The following ARL14EPL variants were observed in gnomAD, a reference collection of about 807,000 sequenced individuals.
ARL14EPL encodes ARF like GTPase 14 effector protein like.
Under a neutral mutation model 15.9 loss-of-function variants are expected in ARL14EPL, and 17 were observed. The observed-to-expected ratio is 1.07, with a 90% CI of 0.73 to 1.60. The LOEUF is 1.60. ARL14EPL is among the 40% of genes most tolerant of loss of function. ARL14EPL has a pLI of 0.00. For missense variants in ARL14EPL, 214 were observed against 185.9 expected (o/e 1.15, Z -0.88); for synonymous variants, 78 against 63.8 (o/e 1.22, Z -1.06).
Position 116,058,961 on chromosome 5 carries a change from T to A in ARL14EPL, c.*14T>A, listed in dbSNP as rs569991344. 6.5e-7 allele frequency: 1 copy of A among 1,529,494 alleles called. No individual in the cohort carries two copies. The highest frequency in any genetic ancestry group is 1.4e-5 in the African/African-American group (1 of 72,902). 94.7% of individuals were successfully genotyped at this position (1,529,494 alleles called of 1,614,324 possible). ...GTTCCTGACTAGGTGCTCTTGTATA[T>A]GGACTGATTTGTTTCTTCTTCTTAC... On this transcript the variant is annotated 3_prime_UTR_variant, in exon 4 of 4. Transcript: ENST00000686077.
intron 1 of ARL14EPL, among the ~76,000 whole-genome samples, chr5:116,042,461 C>G (rs952740239): frequency 6.6e-6 from 1 of 152,140 alleles, no homozygotes; most frequent in African/African-American, 2.4e-5. Flanking sequence ...CACTTCTGGA[C>G]CCCCATGATG....
chr5:116,042,579 C>T (rs914993252), intron 1 of ARL14EPL, among the ~76,000 whole-genome samples: 1 of 152,146 alleles, frequency 6.6e-6, no homozygotes, highest in African/African-American at 2.4e-5. Flanking sequence ...GTAGTAGTAC[C>T]CAGACAATAA....
intron 1 of ARL14EPL, 109 bp downstream of exon 1, chr5:116,032,614 T>C (rs149336873): frequency 1.5e-3 from 227 of 152,338 alleles, no homozygotes; most frequent in African/African-American, 5.2e-3. Flanking sequence ...GTTACTGTTG[T>C]TAATTTCTTA....
chr5:116,052,299 A>G, intron 2 of ARL14EPL: 2 of 1,299,740 alleles, frequency 1.5e-6, no homozygotes, highest in South Asian at 1.2e-5. Flanking sequence ...AAGCTCGGAG[A>G]GTAGCAGCAG....
At chr5:116,036,630 C>T (rs1561575731) in intron 1 of ARL14EPL, among the ~76,000 whole-genome samples, 1 of 152,150 alleles carries the variant, frequency 6.6e-6, no homozygotes, top group South Asian at 2.1e-4. Context: ...ATAGAATGTG[C>T]AGGAATTACA....
chr5:116,037,392 A>C (rs556839302), intron 1 of ARL14EPL, among the ~76,000 whole-genome samples: 1 of 152,318 alleles, frequency 6.6e-6, no homozygotes, highest in East Asian at 1.9e-4. Flanking sequence ...CAGGTCCCAC[A>C]CATCCTGCAT....
intron 1 of ARL14EPL, among the ~76,000 whole-genome samples, chr5:116,032,920 C>T (rs1036205469): frequency 6.6e-6 from 1 of 152,106 alleles, no homozygotes; most frequent in Non-Finnish European, 1.5e-5. Context: ...ACCTCAGCCT[C>T]CTGAGTAGCT....
rs1275745749 is a variant in ARL14EPL, at chr5:116,058,850, G to T, written c.362G>T (p.Gly121Val). The T allele has an allele frequency of 1.3e-6, 2 of 1,536,106 alleles. No individual in the cohort carries two copies. The highest frequency in any genetic ancestry group is 3.3e-4 in the Middle Eastern group (2 of 5,976). Reference protein sequence around the residue: ...PCPKCNSNKCGPECRCNRRWV... With the variant: ...PCPKCNSNKCVPECRCNRRWV... Reference sequence around the variant, plus strand: ...CCGAAGTGTAACTCCAACAAGTGTGGGCCCGAGTGCCGCTGCAACCGACGG... The same window carrying T: ...CCGAAGTGTAACTCCAACAAGTGTGTGCCCGAGTGCCGCTGCAACCGACGG... Residue 121 changes from glycine to valine, a missense_variant, in exon 4 of 4, where the codon GGG (glycine) becomes GTG (valine). By Grantham distance (109) the Gly-to-Val change is moderately radical. Coordinates refer to ENST00000686077, the MANE Select transcript of ARL14EPL (RefSeq NM_001195581.2).
At chr5:116,041,892 A>G (rs187991566) in intron 1 of ARL14EPL, among the ~76,000 whole-genome samples, 20 of 152,320 alleles carry the variant, frequency 1.3e-4, no homozygotes, top group Non-Finnish European at 2.6e-4. Context: ...GCACTGACTC[A>G]ATCACGGCTC....
intron 3 of ARL14EPL, among the ~76,000 whole-genome samples, chr5:116,058,188 T>C (rs1749564307): frequency 6.6e-6 from 1 of 151,690 alleles, no homozygotes; most frequent in Non-Finnish European, 1.5e-5. Flanking sequence ...AAATGGCACT[T>C]GGAGACTGTT....
At chr5:116,057,070 A>G (rs889624977) in intron 3 of ARL14EPL, among the ~76,000 whole-genome samples, 1 of 152,250 alleles carries the variant, frequency 6.6e-6, no homozygotes, top group Non-Finnish European at 1.5e-5. Flanking sequence ...CAAAAAGTTT[A>G]TCCACCATGA....
At chr5:116,045,273 A>G (rs1033228649) in intron 1 of ARL14EPL, among the ~76,000 whole-genome samples, 1 of 152,242 alleles carries the variant, frequency 6.6e-6, no homozygotes, top group African/African-American at 2.4e-5. Flanking sequence ...TTTGGAAGAA[A>G]GAATCTCCAC....
rs141191776 is a variant in ARL14EPL, at chr5:116,050,780, ATCTCTC to A, written c.-9-647_-9-642del. On this transcript the variant is annotated intron_variant, in intron 1 of 3. Transcript: ENST00000686077. ...ATGATTACCATATTGTATGGGCTCC[ATCTCTC>A]TCTCTCTCTCTCTCTCTCTCTCTCT... is the stretch of plus-strand genomic sequence containing the variant. Among the ~76,000 whole-genome samples the A allele has an allele frequency of 5.9e-3, 763 of 128,858 alleles. 17 individuals carry two copies. Among genetic ancestry groups the A allele is most frequent in the South Asian group, 0.057 (211 of 3,680 alleles). The allele number at this position is 128,858 out of a possible 152,430, so 84.5% of individuals were successfully genotyped here.
intron 2 of ARL14EPL, chr5:116,051,833 A>C: frequency 9.9e-7 from 1 of 1,013,774 alleles, no homozygotes; most frequent in African/African-American, 1.6e-5. Context: ...GAATATATAC[A>C]AACGTTTTTA....
chr5:116,039,329 A>G (rs1749105734), intron 1 of ARL14EPL, among the ~76,000 whole-genome samples: 1 of 152,216 alleles, frequency 6.6e-6, no homozygotes, highest in Non-Finnish European at 1.5e-5. Flanking sequence ...ATTAAACAGA[A>G]AGAACCAGAA....
Position 116,059,229 on chromosome 5 carries a change from A to C in ARL14EPL, c.*282A>C. On this transcript the variant is annotated 3_prime_UTR_variant, in exon 4 of 4. Transcript: ENST00000686077. ...ATCTCTACTCTGCCTTCAAATTAAA[A>C]CTCTCTTCCCTCTTTGCTGATATCT... is the stretch of plus-strand genomic sequence containing the variant. The C allele has an allele frequency of 9.3e-6, 3 of 323,380 alleles. No individual in the cohort carries two copies. The highest frequency in any genetic ancestry group is 5.8e-5 in the East Asian group (1 of 17,128). 20.0% of individuals were successfully genotyped at this position (323,380 alleles called of 1,614,324 possible).
At chr5:116,040,512 C>T (rs945868156) in intron 1 of ARL14EPL, among the ~76,000 whole-genome samples, 7 of 151,446 alleles carry the variant, frequency 4.6e-5, no homozygotes, top group African/African-American at 1.7e-4. Flanking sequence ...AAAATGTGTC[C>T]TAGGACTGGG....
intron 1 of ARL14EPL, among the ~76,000 whole-genome samples, chr5:116,041,656 C>T (rs1749160562): frequency 6.6e-6 from 1 of 152,072 alleles, no homozygotes; most frequent in Admixed American, 6.6e-5. Context: ...CCTAGACAAC[C>T]CCTGACACCC....
intron 1 of ARL14EPL, among the ~76,000 whole-genome samples, chr5:116,049,965 A>T (rs1167242345): frequency 6.6e-6 from 1 of 152,246 alleles, no homozygotes; most frequent in African/African-American, 2.4e-5. Flanking sequence ...TAAGATAAAC[A>T]AAATTAAATT....
Sources: allele counts gnomAD v4.1 joint callset (sites outside exome capture counted in the v4.1 genomes callset), GRCh38; gene constraint gnomAD v4.1.1; transcripts MANE v1.5; gene names NCBI Gene and HGNC (gene_info 2026-07-23, HGNC 2026-07-21).